DNM3: variants seen among roughly 807,000 people sequenced by gnomAD.
DNM3 encodes dynamin 3, also known as dynamin-3.
DNM3 carries 47 observed loss-of-function variants against 101.6 expected under a neutral mutation model. The observed-to-expected ratio is 0.46, with a 90% CI of 0.37 to 0.59. DNM3 has a LOEUF of 0.59. Among genes scored for constraint, DNM3 ranks in the 20% least tolerant of loss-of-function variants. DNM3 has a pLI of 0.00. For synonymous variants in DNM3, 385 were observed against 387.9 expected (o/e 0.99, Z 0.09); for missense variants, 849 against 1,085.7 (o/e 0.78, Z 3.06).
intron 2 of DNM3, among the ~76,000 whole-genome samples, chr1:171,983,400 T>TGAG (rs1356721158): frequency 3.1e-5 from 3 of 96,440 alleles, no homozygotes; most frequent in African/African-American, 5.6e-5. Flanking sequence ...TGAGGCTGCC[T>TGAG]TAAACCTCCT....
chr1:171,962,386 G>A (rs1317946786), intron 2 of DNM3, among the ~76,000 whole-genome samples: 1 of 152,148 alleles, frequency 6.6e-6, no homozygotes, highest in East Asian at 1.9e-4. Flanking sequence ...CCAGGGGTTG[G>A]AGGAAAGGCA....
intron 14 of DNM3, among the ~76,000 whole-genome samples, chr1:172,195,220 C>T (rs1159844689): frequency 6.6e-6 from 1 of 151,904 alleles, no homozygotes; most frequent in African/African-American, 2.4e-5. Flanking sequence ...AATTTCAAAT[C>T]AAATTATTCA....
At chr1:172,058,757 T>C (rs953327761) in intron 10 of DNM3, among the ~76,000 whole-genome samples, 14 of 151,226 alleles carry the variant, frequency 9.3e-5, no homozygotes, top group African/African-American at 3.4e-4. Context: ...AGATCCAAAA[T>C]TGACACCCTA....
intron 14 of DNM3, among the ~76,000 whole-genome samples, chr1:172,225,280 A>G (rs2061068547): frequency 6.6e-6 from 1 of 151,122 alleles, no homozygotes; most frequent in African/African-American, 2.4e-5. Context: ...CTGGGATTAC[A>G]GGCGCACCAC....
chr1:172,002,649 A>T (rs1010812262), intron 4 of DNM3, among the ~76,000 whole-genome samples: 4 of 152,094 alleles, frequency 2.6e-5, no homozygotes, highest in Non-Finnish European at 4.4e-5. Flanking sequence ...CATTAGCTTT[A>T]TAGGCTTAAA....
intron 4 of DNM3, among the ~76,000 whole-genome samples, chr1:172,018,980 C>A (rs1352347748): frequency 6.8e-6 from 1 of 146,822 alleles, no homozygotes; most frequent in African/African-American, 2.5e-5. Context: ...TCCCTCCCTC[C>A]CTCCTTCCTT....
chr1:171,885,429 A>G (rs972543760), intron 1 of DNM3, among the ~76,000 whole-genome samples: 1 of 152,186 alleles, frequency 6.6e-6, no homozygotes, highest in African/African-American at 2.4e-5. Flanking sequence ...TTTGTGAATA[A>G]CTAGGGAGAG....
intron 4 of DNM3, among the ~76,000 whole-genome samples, chr1:172,011,758 G>A (rs1462434396): frequency 6.6e-6 from 1 of 151,942 alleles, no homozygotes; most frequent in Non-Finnish European, 1.5e-5. Context: ...AAACAGGTTA[G>A]CTTTTTCAAA....
At chr1:172,034,447 AACTC>A (rs2125808752) in intron 6 of DNM3, among the ~76,000 whole-genome samples, 1 of 152,236 alleles carries the variant, frequency 6.6e-6, no homozygotes, top group East Asian at 1.9e-4. Flanking sequence ...TCTCAGAGGA[AACTC>A]ACTAATATGA....
At chr1:172,231,770 C>G (rs1198367071) in intron 14 of DNM3, among the ~76,000 whole-genome samples, 1 of 152,184 alleles carries the variant, frequency 6.6e-6, no homozygotes, top group Non-Finnish European at 1.5e-5. Context: ...AGCTGAAAAC[C>G]ATGGCACGAG....
intron 15 of DNM3, among the ~76,000 whole-genome samples, chr1:172,260,158 C>T (rs1298492297): frequency 6.6e-6 from 1 of 152,056 alleles, no homozygotes; most frequent in Non-Finnish European, 1.5e-5. Flanking sequence ...CCATTCTCTC[C>T]TGTCTTGTTA....
chr1:172,067,228 A>G (rs890677413), intron 10 of DNM3, among the ~76,000 whole-genome samples: 3 of 152,160 alleles, frequency 2.0e-5, no homozygotes, highest in African/African-American at 7.2e-5. Context: ...AAATTAAATC[A>G]TATTCTTTGC....
At chr1:171,863,918 T>G (rs1406323577) in intron 1 of DNM3, among the ~76,000 whole-genome samples, 2 of 152,222 alleles carry the variant, frequency 1.3e-5, no homozygotes, top group Admixed American at 6.5e-5. Flanking sequence ...TGAGCCTTAT[T>G]GAATGAATGA....
At chr1:172,187,715 C>A (rs1045989552) in intron 14 of DNM3, among the ~76,000 whole-genome samples, 1 of 152,042 alleles carries the variant, frequency 6.6e-6, no homozygotes, top group Non-Finnish European at 1.5e-5. Context: ...CATCTTGTCC[C>A]TCAAAGATGG....
rs73039363 is a variant in DNM3, at chr1:172,131,844, T to G, written c.1659+556T>G. The G allele has an allele frequency of 3.5e-3, 1,276 of 367,032 alleles. 17 individuals carry two copies. Among genetic ancestry groups the G allele is most frequent in the African/African-American group, 0.025 (1,137 of 45,970 alleles). The allele number at this position is 367,032 out of a possible 1,614,324, so 22.7% of individuals were successfully genotyped here. A position where few individuals can be genotyped will look rare whatever the true frequency, so the allele number is the denominator to read the frequency against. ...TATGTAAAAGCATGAATTATGGTAATTATAGTGTTCTGGTTCATGTTAGAT... is the reference window on the plus strand; with the variant it reads ...TATGTAAAAGCATGAATTATGGTAAGTATAGTGTTCTGGTTCATGTTAGAT... On this transcript the variant is annotated intron_variant, in intron 14 of 20. Transcript: ENST00000627582.
intron 14 of DNM3, among the ~76,000 whole-genome samples, chr1:172,196,981 C>A (rs886876501): frequency 1.3e-5 from 2 of 152,056 alleles, no homozygotes; most frequent in Non-Finnish European, 2.9e-5. Flanking sequence ...AAATCTTTGC[C>A]TTTTCCTATG....
chr1:172,014,518 T>C (rs1433513124), intron 4 of DNM3, among the ~76,000 whole-genome samples: 2 of 152,156 alleles, frequency 1.3e-5, no homozygotes, highest in East Asian at 1.9e-4. Flanking sequence ...CATTTCATTG[T>C]TGTTTGAAGT....
chr1:172,399,038 A>C (rs1417557488), intron 20 of DNM3, among the ~76,000 whole-genome samples: 1 of 152,194 alleles, frequency 6.6e-6, no homozygotes, highest in Non-Finnish European at 1.5e-5. Flanking sequence ...CTTACCCTAA[A>C]AATCCCATAA....
chr1:172,085,706 A>G (rs919050997), intron 12 of DNM3, among the ~76,000 whole-genome samples: 9 of 152,136 alleles, frequency 5.9e-5, no homozygotes, highest in African/African-American at 1.9e-4. Flanking sequence ...GATTTGTTAT[A>G]TCTTTTTCCT....
Sources: allele counts gnomAD v4.1 joint callset (sites outside exome capture counted in the v4.1 genomes callset), GRCh38; gene constraint gnomAD v4.1.1; transcripts MANE v1.5; gene names NCBI Gene and HGNC (gene_info 2026-07-23, HGNC 2026-07-21).